Variants in ANKRD36C observed in about 807,000 individuals in gnomAD.
ANKRD36C encodes ankyrin repeat domain-containing protein 36C.
In ANKRD36C, 61 loss-of-function variants were observed where a neutral mutation model predicts 276.4. The ratio of observed to expected loss-of-function variants is 0.22; its 90% CI spans 0.18 to 0.27. ANKRD36C has a LOEUF of 0.27. Ranked by LOEUF, ANKRD36C falls within the 10% of genes least tolerant of loss-of-function variation. The probability of loss-of-function intolerance (pLI) is 1.00; values close to 1 mark genes in which losing one functional copy is unlikely to be tolerated. For missense variants in ANKRD36C, 1,447 were observed against 2,032.3 expected, an observed-to-expected ratio of 0.71 and a Z score of 5.54; for synonymous variants, 483 against 680.1, an observed-to-expected ratio of 0.71 and a Z score of 4.51.
rs2104380716 is a variant in ANKRD36C at position 95,902,867 on chromosome 2, A to G, written c.2654-3531T>C. Reference sequence around the variant, plus strand: ...TCTATCTGGACTGAACATGACATTAAATCTCTTTTCAAAATTACCTCTCCT... The same window carrying G: ...TCTATCTGGACTGAACATGACATTAGATCTCTTTTCAAAATTACCTCTCCT... On this transcript the variant is annotated intron_variant, in intron 42 of 66. Coordinates refer to ENST00000456556, the Ensembl canonical transcript of ANKRD36C. 1.3e-6 allele frequency: 2 copies of G among 1,555,400 alleles called. No homozygotes were observed. The highest frequency in any genetic ancestry group is 8.7e-7 in the Non-Finnish European group (1 of 1,146,794).
At chr2:95,912,375 C>G in intron 41 of ANKRD36C, 32 bp downstream of exon 43, 1 of 1,603,642 alleles carries the variant, frequency 6.2e-7, no homozygotes, top group Non-Finnish European at 8.5e-7. Flanking sequence ...TTTACGTTTA[C>G]TAGCTCACAA....
chr2:95,957,459 C>T (rs1678355157), intron 12 of ANKRD36C, among the ~76,000 whole-genome samples: 1 of 152,306 alleles, frequency 6.6e-6, no homozygotes, highest in South Asian at 2.1e-4. Flanking sequence ...TTGGTGAATC[C>T]TATTATATGC....
intron 10 of ANKRD36C, among the ~76,000 whole-genome samples, chr2:95,959,705 A>G (rs1288896635): frequency 6.6e-6 from 1 of 152,204 alleles, no homozygotes; most frequent in Non-Finnish European, 1.5e-5. Flanking sequence ...TTTTGTCCAA[A>G]AGTTAGCTCT....
intron 8 of ANKRD36C, among the ~76,000 whole-genome samples, 190 bp from the exon 9 acceptor site, chr2:95,960,857 C>A (rs1487546340): frequency 1.3e-5 from 2 of 150,738 alleles, no homozygotes; most frequent in African/African-American, 4.9e-5. Context: ...ATAGTCTTCA[C>A]GCAACAAACA....
At chr2:95,980,990 C>T (rs1490726146) in intron 4 of ANKRD36C, among the ~76,000 whole-genome samples, 1 of 152,180 alleles carries the variant, frequency 6.6e-6, no homozygotes, top group Admixed American at 6.6e-5. Context: ...AGCCTCTTGT[C>T]CCACTGTGGT....
intron 1 of ANKRD36C, 139 bp from the exon 2 acceptor site, chr2:95,987,345 G>T: frequency 7.3e-7 from 1 of 1,365,656 alleles, no homozygotes; most frequent in Non-Finnish European, 9.8e-7. Flanking sequence ...ATTAATGAAA[G>T]AGCAGGCTAT....
At chr2:95,946,925 G>A (rs916087214) in intron 17 of ANKRD36C, among the ~76,000 whole-genome samples, 5 of 151,816 alleles carry the variant, frequency 3.3e-5, no homozygotes, top group East Asian at 3.9e-4. Flanking sequence ...GGGGTAGGGG[G>A]GAGGGATAGC....
At chr2:95,923,719 C>T (rs1553404555) in intron 30 of ANKRD36C, 30 bp from the exon 31 acceptor site, 1 of 1,608,462 alleles carries the variant, frequency 6.2e-7, no homozygotes, top group Admixed American at 1.7e-5. Flanking sequence ...CATAATCACT[C>T]ATATGTAAAT....
At chr2:95,963,700 GTTATAC>G (rs1305145419) in intron 6 of ANKRD36C, among the ~76,000 whole-genome samples, 1 of 112,340 alleles carries the variant, frequency 8.9e-6, no homozygotes, top group Non-Finnish European at 1.8e-5. Flanking sequence ...AGTGAGTTCA[GTTATAC>G]TTAGAGTCAT....
rs779090288 is a variant in ANKRD36C, at chr2:95,965,777, T to G, written c.800-3230A>C. Reference sequence around the variant, plus strand: ...ACCTCACTGGGTCAACATGGATAGATCTGATATATATATATATCACTGATT... The same window carrying G: ...ACCTCACTGGGTCAACATGGATAGAGCTGATATATATATATATCACTGATT... On this transcript the variant is annotated intron_variant, in intron 6 of 66. Transcript: ENST00000456556. 1.8e-3 allele frequency among the ~76,000 whole-genome samples: 269 copies of G among 152,100 alleles called. 1 individual carries two copies. The highest frequency in any genetic ancestry group is 0.014 in the Middle Eastern group (4 of 292).
intron 54 of ANKRD36C, among the ~76,000 whole-genome samples, 155 bp downstream of exon 74, chr2:95,884,018 A>G: frequency 6.6e-6 from 1 of 152,072 alleles, no homozygotes; most frequent in East Asian, 1.9e-4. Flanking sequence ...GACCAGCAGC[A>G]TCAGCGTCAC....
intron 61 of ANKRD36C, among the ~76,000 whole-genome samples, chr2:95,858,617 C>T (rs1010494754): frequency 1.1e-4 from 16 of 152,166 alleles, no homozygotes; most frequent in Admixed American, 2.6e-4. Context: ...CAAGTTGATA[C>T]ATTCACTAGA....
intron 17 of ANKRD36C, among the ~76,000 whole-genome samples, chr2:95,946,118 C>T (rs1268922917): frequency 9.1e-6 from 1 of 109,778 alleles, no homozygotes; most frequent in Non-Finnish European, 1.7e-5. Flanking sequence ...AAAGCTGAAA[C>T]ATTCTTACTA....
At chr2:95,927,329 T>A in intron 27 of ANKRD36C, 43 bp from the exon 28 acceptor site, 1 of 1,608,020 alleles carries the variant, frequency 6.2e-7, no homozygotes, top group Admixed American at 1.7e-5. Flanking sequence ...GTAAAGTAGG[T>A]TTCATAGACT....
chr2:95,883,577 T>C (rs552293971), intron 54 of ANKRD36C, among the ~76,000 whole-genome samples: 2 of 152,188 alleles, frequency 1.3e-5, no homozygotes, highest in South Asian at 2.1e-4. Flanking sequence ...CCTGCTTCCA[T>C]TGGTTCCTAA....
intron 22 of ANKRD36C, among the ~76,000 whole-genome samples, chr2:95,938,163 T>G (rs1175069211): frequency 6.6e-6 from 1 of 152,288 alleles, no homozygotes; most frequent in African/African-American, 2.4e-5. Flanking sequence ...AAAGTATTTT[T>G]AATGTGCATT....
chr2:95,926,815 T>C (rs559149483), intron 28 of ANKRD36C, among the ~76,000 whole-genome samples: 2 of 151,768 alleles, frequency 1.3e-5, no homozygotes, highest in African/African-American at 4.8e-5. Flanking sequence ...TTAGCTCTCG[T>C]TCTACAGTGT....
At chr2:95,850,761 T>A (rs542479400), downstream of ANKRD36C, among the ~76,000 whole-genome samples, 7 of 152,360 alleles carry the variant, frequency 4.6e-5, no homozygotes, top group Admixed American at 3.9e-4. Flanking sequence ...TTGTGACCTG[T>A]AATTGCTTAA....
downstream of ANKRD36C, among the ~76,000 whole-genome samples, chr2:95,850,643 G>C (rs1447712863): frequency 6.6e-6 from 1 of 152,242 alleles, no homozygotes; most frequent in African/African-American, 2.4e-5. Context: ...ACTGATGTGA[G>C]AGTTTTGATT....
Sources: allele counts gnomAD v4.1 joint callset (sites outside exome capture counted in the v4.1 genomes callset), GRCh38; gene constraint gnomAD v4.1.1; transcripts MANE v1.5; gene names NCBI Gene and HGNC (gene_info 2026-07-23, HGNC 2026-07-21).